The following FHIT variants were observed in gnomAD, a reference collection of about 807,000 sequenced individuals.
The protein encoded by FHIT is fragile histidine triad diadenosine triphosphatase, also known as bis(5'-adenosyl)-triphosphatase.
FHIT carries 19 observed loss-of-function variants against 17.9 expected under a neutral mutation model. The ratio of observed to expected loss-of-function variants is 1.06; its 90% CI spans 0.74 to 1.56. FHIT has a LOEUF of 1.56. Ranked by LOEUF, FHIT falls within the 40% of genes most tolerant of loss-of-function variation. The pLI, the probability that FHIT is intolerant of heterozygous loss-of-function variation, is 0.00. For missense variants in FHIT, 248 were observed against 189.2 expected, an observed-to-expected ratio of 1.31 and a Z score of -1.82; for synonymous variants, 81 against 69.7, an observed-to-expected ratio of 1.16 and a Z score of -0.81.
chr3:60,013,393 A>T (rs1700214294), intron 6 of FHIT, among the ~76,000 whole-genome samples: 1 of 152,170 alleles, frequency 6.6e-6, no homozygotes, highest in Admixed American at 6.5e-5. Flanking sequence ...AGCTCATGGT[A>T]TGTTACTACG....
chr3:60,457,849 C>T (rs1391930889), intron 5 of FHIT, among the ~76,000 whole-genome samples: 1 of 152,010 alleles, frequency 6.6e-6, no homozygotes, highest in East Asian at 1.9e-4. Flanking sequence ...TCATCACTGG[C>T]CATCAGAGAA....
chr3:60,283,605 T>G (rs1707574204), intron 5 of FHIT, among the ~76,000 whole-genome samples: 3 of 152,208 alleles, frequency 2.0e-5, no homozygotes, highest in African/African-American at 7.2e-5. Context: ...CCTAGATTTT[T>G]TAAAAATGTT....
chr3:59,782,205 C>T (rs1035598305), intron 8 of FHIT, among the ~76,000 whole-genome samples: 5 of 152,186 alleles, frequency 3.3e-5, no homozygotes, highest in African/African-American at 9.7e-5. Flanking sequence ...CCACCCGCCT[C>T]GGCCTCCCAA....
chr3:60,547,400 T>A (rs1377970525), intron 4 of FHIT, among the ~76,000 whole-genome samples: 2 of 152,096 alleles, frequency 1.3e-5, no homozygotes, highest in Non-Finnish European at 2.9e-5. Flanking sequence ...ACTCTAGAAA[T>A]GGTAATTGAA....
At chr3:59,909,182 C>A (rs1431405423) in intron 8 of FHIT, among the ~76,000 whole-genome samples, 2 of 151,912 alleles carry the variant, frequency 1.3e-5, no homozygotes, top group African/African-American at 4.8e-5. Flanking sequence ...TATAGGCACG[C>A]ACCATCGACC....
chr3:60,373,830 T>C (rs565586978), intron 5 of FHIT, among the ~76,000 whole-genome samples: 2 of 152,234 alleles, frequency 1.3e-5, no homozygotes, highest in East Asian at 1.9e-4. Flanking sequence ...ACAGCTCTAG[T>C]AGCCATGGAA....
intron 4 of FHIT, among the ~76,000 whole-genome samples, chr3:60,639,006 TA>T (rs782748153): frequency 0.027 from 3,159 of 115,824 alleles, 22 homozygotes; most frequent in Non-Finnish European, 0.031. Flanking sequence ...ATGCATAAAT[TA>T]AAAAAAAAAA....
intron 3 of FHIT, among the ~76,000 whole-genome samples, chr3:60,941,008 G>A (rs958182758): frequency 6.6e-6 from 1 of 151,980 alleles, no homozygotes; most frequent in Admixed American, 6.6e-5. Context: ...AAAAGAAACA[G>A]TTGAAATTAA....
intron 9 of FHIT, chr3:59,751,105 GA>G (rs34399107): frequency 0.12 from 22,055 of 179,528 alleles, 1,684 homozygotes; most frequent in African/African-American, 0.2. Flanking sequence ...AGGTTTGCCA[GA>G]AAAAAATACA....
At chr3:60,866,057 G>A (rs1704145758) in intron 3 of FHIT, among the ~76,000 whole-genome samples, 2 of 152,122 alleles carry the variant, frequency 1.3e-5, no homozygotes, top group Admixed American at 1.3e-4. Flanking sequence ...AATCAGAGAT[G>A]CCTGTCATCT....
chr3:60,400,497 T>C (rs1701619612), intron 5 of FHIT, among the ~76,000 whole-genome samples: 1 of 152,132 alleles, frequency 6.6e-6, no homozygotes, highest in Non-Finnish European at 1.5e-5. Context: ...ACAATGTTGG[T>C]GTTAGAAACA....
intron 4 of FHIT, among the ~76,000 whole-genome samples, chr3:60,630,016 G>A (rs1553682005): frequency 6.6e-6 from 1 of 152,110 alleles, no homozygotes; most frequent in Non-Finnish European, 1.5e-5. Context: ...GGCTGCCCTG[G>A]GGATCAAAGC....
chr3:60,132,548 A>C (rs1699639910), intron 5 of FHIT, among the ~76,000 whole-genome samples: 1 of 152,220 alleles, frequency 6.6e-6, no homozygotes, highest in Admixed American at 6.5e-5. Context: ...TAACATATTT[A>C]ATATATCATC....
chr3:60,238,490 C>G (rs1447260349), intron 5 of FHIT, among the ~76,000 whole-genome samples: 1 of 137,830 alleles, frequency 7.3e-6, no homozygotes, highest in African/African-American at 2.6e-5. Flanking sequence ...AAAATGAACA[C>G]AAAAGATGCT....
At chr3:61,185,352 T>A (rs145506993) in intron 2 of FHIT, among the ~76,000 whole-genome samples, 4 of 152,256 alleles carry the variant, frequency 2.6e-5, no homozygotes, top group Non-Finnish European at 5.9e-5. Context: ...TGAGCCAACC[T>A]CCTTGCAAAA....
chr3:60,701,995 T>C (rs1467582762), intron 4 of FHIT, among the ~76,000 whole-genome samples: 20 of 152,170 alleles, frequency 1.3e-4, no homozygotes, highest in African/African-American at 4.6e-4. Context: ...GTTATAATTT[T>C]TGCCAAGGTG....
intron 4 of FHIT, chr3:60,596,186 A>G: frequency 3.9e-6 from 1 of 254,138 alleles, no homozygotes; most frequent in Non-Finnish European, 6.2e-6. Flanking sequence ...TCTTGGAATA[A>G]TCTACTAAAC....
intron 2 of FHIT, among the ~76,000 whole-genome samples, chr3:61,178,047 AGTTTT>A (rs1482883070): frequency 6.6e-6 from 1 of 152,198 alleles, no homozygotes; most frequent in Non-Finnish European, 1.5e-5. Flanking sequence ...TGGCAAAGGA[AGTTTT>A]GTTTTGATTT....
At chr3:60,601,149 A>G (rs1170184093) in intron 4 of FHIT, among the ~76,000 whole-genome samples, 1 of 152,216 alleles carries the variant, frequency 6.6e-6, no homozygotes, top group East Asian at 1.9e-4. Context: ...GAATGGGCCC[A>G]GGGACAGAAT....
Sources: gnomAD v4.1 joint callset for allele counts (sites outside exome capture counted in the v4.1 genomes callset) on GRCh38, gnomAD v4.1.1 for gene constraint, MANE v1.5 for transcripts, NCBI Gene and HGNC (gene_info 2026-07-23, HGNC 2026-07-21) for gene names.